CDH13: variants seen among roughly 807,000 people sequenced by gnomAD.
CDH13 encodes the protein cadherin 13, also known as cadherin-13.
In CDH13, 24 loss-of-function variants were observed where a neutral mutation model predicts 63.8. The ratio of observed to expected loss-of-function variants is 0.38; its 90% CI spans 0.27 to 0.53. The LOEUF is 0.53. CDH13 is among the 20% of genes least tolerant of loss of function. The pLI is 0.85. For missense variants in CDH13, 1,049 were observed against 903.1 expected, an observed-to-expected ratio of 1.16 and a Z score of -2.07; for synonymous variants, 503 against 355.3, an observed-to-expected ratio of 1.42 and a Z score of -4.67.
chr16:83,168,445 C>T (rs1470427928), intron 4 of CDH13, among the ~76,000 whole-genome samples: 1 of 151,902 alleles, frequency 6.6e-6, no homozygotes, highest in African/African-American at 2.4e-5. Context: ...TGCCTCTGCC[C>T]TTCCTTAGCC....
intron 6 of CDH13, among the ~76,000 whole-genome samples, chr16:83,479,142 T>G (rs1476855941): frequency 1.3e-5 from 2 of 152,232 alleles, no homozygotes; most frequent in Non-Finnish European, 2.9e-5. Context: ...CATGCATATG[T>G]GCACTCAACA....
chr16:83,592,928 G>A (rs535752787), intron 7 of CDH13, among the ~76,000 whole-genome samples: 3 of 152,234 alleles, frequency 2.0e-5, no homozygotes, highest in Admixed American at 6.5e-5. Context: ...AACATCGCTC[G>A]ACCTCTGCAG....
intron 1 of CDH13, among the ~76,000 whole-genome samples, chr16:82,672,999 C>CTTTTTTTTTTTTTTTTTTTTTTTTTT (rs562942948): frequency 2.5e-5 from 2 of 81,278 alleles, no homozygotes; most frequent in African/African-American, 1.1e-4. Context: ...ATAAAGTTTT[C>CTTTTTTTTTTTTTTTTTTTTTTTTTT]TTTTTTTTTT....
chr16:83,538,562 A>G (rs913357252), intron 7 of CDH13, among the ~76,000 whole-genome samples: 2 of 152,254 alleles, frequency 1.3e-5, no homozygotes, highest in African/African-American at 4.8e-5. Context: ...TGATCCTAAA[A>G]TAATAGGATG....
At position 83,117,145 on chromosome 16, in the gene CDH13, G is replaced by A. The variant is rs576009143; in HGVS notation, c.367-8240G>A. Reference sequence around the variant, plus strand: ...AGCTATGATCTGTTTTATTGCAACTGGACTCCTCAGCTCAAAACCCTTCCA... The same window carrying A: ...AGCTATGATCTGTTTTATTGCAACTAGACTCCTCAGCTCAAAACCCTTCCA... On this transcript the variant is annotated intron_variant, in intron 3 of 13. Coordinates refer to ENST00000567109, the MANE Select transcript of CDH13 (RefSeq NM_001257.5). Among the ~76,000 whole-genome samples the A allele has an allele frequency of 1.9e-4, 29 of 152,272 alleles. 1 individual carries two copies. The highest frequency in any genetic ancestry group is 3.5e-4 in the Non-Finnish European group (24 of 68,014).
chr16:83,587,304 G>A (rs1906260919), intron 7 of CDH13, among the ~76,000 whole-genome samples: 1 of 152,168 alleles, frequency 6.6e-6, no homozygotes, highest in Admixed American at 6.5e-5. Flanking sequence ...AAATTAGTGG[G>A]CAGGGACCAT....
At chr16:83,761,520 A>C (rs1025997140) in intron 11 of CDH13, among the ~76,000 whole-genome samples, 7 of 152,216 alleles carry the variant, frequency 4.6e-5, no homozygotes, top group African/African-American at 1.7e-4. Context: ...AAAATGATGT[A>C]CAGAAAATGG....
At chr16:83,152,758 C>A (rs1207297177) in intron 4 of CDH13, among the ~76,000 whole-genome samples, 1 of 152,174 alleles carries the variant, frequency 6.6e-6, no homozygotes, top group East Asian at 1.9e-4. Flanking sequence ...AACCTCTGGT[C>A]TCTCAGAATG....
At chr16:82,761,608 C>G (rs8046812) in intron 1 of CDH13, among the ~76,000 whole-genome samples, 44,100 of 152,074 alleles carry the variant, frequency 0.29, 6,857 homozygotes, top group East Asian at 0.47. Context: ...AATTAACTGG[C>G]AGTTTGTAGG....
At chr16:83,616,015 T>C (rs951725302) in intron 8 of CDH13, among the ~76,000 whole-genome samples, 1 of 152,178 alleles carries the variant, frequency 6.6e-6, no homozygotes, top group South Asian at 2.1e-4. Flanking sequence ...ACAGCAGGTA[T>C]GCCGCTGAAT....
At chr16:83,171,500 A>G (rs1174279576) in intron 4 of CDH13, 3 of 1,529,350 alleles carry the variant, frequency 2.0e-6, no homozygotes, top group Non-Finnish European at 1.8e-6. Flanking sequence ...TAGACTGCCC[A>G]TAAATAATCT....
intron 1 of CDH13, among the ~76,000 whole-genome samples, chr16:82,662,103 C>T (rs1341505793): frequency 2.0e-5 from 3 of 152,140 alleles, no homozygotes; most frequent in East Asian, 1.9e-4. Context: ...GGTAGTATGT[C>T]CATAGAATGG....
intron 3 of CDH13, among the ~76,000 whole-genome samples, chr16:83,064,045 C>T (rs1455097328): frequency 6.6e-6 from 1 of 152,058 alleles, no homozygotes; most frequent in Non-Finnish European, 1.5e-5. Flanking sequence ...CATTTCAGAG[C>T]TAAAAATATA....
chr16:83,103,560 T>A (rs970781771), intron 3 of CDH13, among the ~76,000 whole-genome samples: 1 of 152,150 alleles, frequency 6.6e-6, no homozygotes, highest in African/African-American at 2.4e-5. Context: ...AAACTTTTAA[T>A]GTGGAAAGAC....
At chr16:83,701,594 G>C (rs1417176963) in intron 10 of CDH13, among the ~76,000 whole-genome samples, 1 of 152,130 alleles carries the variant, frequency 6.6e-6, no homozygotes, top group Non-Finnish European at 1.5e-5. Context: ...ACATCTGGTG[G>C]TTCCCCAAAT....
chr16:82,835,352 C>G (rs1041682450), intron 1 of CDH13, among the ~76,000 whole-genome samples: 1 of 152,140 alleles, frequency 6.6e-6, no homozygotes, highest in Non-Finnish European at 1.5e-5. Flanking sequence ...CCGTATAAAT[C>G]TTGGTCTCTT....
chr16:83,098,230 ATAT>A (rs2034300365), intron 3 of CDH13, among the ~76,000 whole-genome samples: 1 of 152,202 alleles, frequency 6.6e-6, no homozygotes, highest in African/African-American at 2.4e-5. Flanking sequence ...GTGTTAAATA[ATAT>A]TATAGCATTT....
In CDH13 at chr16:83,486,559, G is replaced by T. The variant is rs35282700; in HGVS notation, c.864G>T (p.Gln288His). The T allele has an allele frequency of 6.2e-7, 1 of 1,613,836 alleles. No homozygotes were observed. Among genetic ancestry groups the T allele is most frequent in the African/African-American group, 1.3e-5 (1 of 74,912 alleles). The change falls in exon 7 of 14, where the codon CAG becomes CAT. Residue 288 changes from glutamine to histidine, a missense_variant. By Grantham distance (24) the Gln-to-His change is conservative (BLOSUM62 0). Coordinates refer to ENST00000567109, the MANE Select transcript of CDH13 (RefSeq NM_001257.5). Reference protein sequence around the residue: ...DNALLRYNIRQQTPDKPSPNM... With the variant: ...DNALLRYNIRHQTPDKPSPNM... ...CCCTCCTGCGGTATAATATCCGTCA[G>T]CAGACGCCTGACAAGCCATCTCCCA...
At chr16:83,499,305 G>A (rs182786642) in intron 7 of CDH13, among the ~76,000 whole-genome samples, 101 of 152,354 alleles carry the variant, frequency 6.6e-4, no homozygotes, top group Admixed American at 6.5e-3. Flanking sequence ...TACACGTAGA[G>A]CATCTTGGTC....
Sources: allele counts gnomAD v4.1 joint callset (sites outside exome capture counted in the v4.1 genomes callset), GRCh38; gene constraint gnomAD v4.1.1; transcripts MANE v1.5; gene names NCBI Gene and HGNC (gene_info 2026-07-23, HGNC 2026-07-21).